The following SSH2 variants were observed in gnomAD, a reference collection of about 807,000 sequenced individuals.
The protein encoded by SSH2 is protein phosphatase Slingshot homolog 2.
Under a neutral mutation model 135.2 loss-of-function variants are expected in SSH2, and 37 were observed. The observed-to-expected ratio is 0.27, with a 90% CI of 0.21 to 0.36. The LOEUF (loss-of-function observed/expected upper bound fraction) is 0.36. SSH2 is among the 10% of genes least tolerant of loss of function. The probability of loss-of-function intolerance (pLI) is 1.00; values close to 1 mark genes in which losing one functional copy is unlikely to be tolerated. For synonymous variants in SSH2, 628 were observed against 646.2 expected, an observed-to-expected ratio of 0.97 and a Z score of 0.43; for missense variants, 1,408 against 1,765.3, an observed-to-expected ratio of 0.80 and a Z score of 3.63.
intron 14 of SSH2, chr17:29,645,680 A>G (rs1197830635): frequency 6.6e-6 from 1 of 152,230 alleles, no homozygotes; most frequent in East Asian, 1.9e-4. Flanking sequence ...TGTGCCAAAA[A>G]GAACTGCTAC....
chr17:29,663,560 G>GT (rs879388751), intron 11 of SSH2, among the ~76,000 whole-genome samples: 2 of 151,978 alleles, frequency 1.3e-5, no homozygotes, highest in Admixed American at 6.6e-5. Flanking sequence ...CAATTTTGAA[G>GT]TTTTTTTTCC....
intron 2 of SSH2, among the ~76,000 whole-genome samples, chr17:29,818,412 C>G (rs761975099): frequency 6.6e-6 from 1 of 151,912 alleles, no homozygotes; most frequent in Non-Finnish European, 1.5e-5. Context: ...CCAAGCCCGG[C>G]TAATTTTTCG....
intron 1 of SSH2, among the ~76,000 whole-genome samples, chr17:29,870,109 A>G (rs1567620877): frequency 6.6e-6 from 1 of 152,100 alleles, no homozygotes; most frequent in African/African-American, 2.4e-5. Flanking sequence ...ATTATGTTAA[A>G]TGACATTTTC....
At chr17:29,864,262 G>A (rs1004431868) in intron 1 of SSH2, 5 of 151,506 alleles carry the variant, frequency 3.3e-5, no homozygotes, top group African/African-American at 7.3e-5. Flanking sequence ...CCAAGATTGC[G>A]CCATTGCACT....
At chr17:29,761,125 G>A in intron 3 of SSH2, 1 of 1,288,368 alleles carries the variant, frequency 7.8e-7, no homozygotes, top group East Asian at 5.6e-5. Flanking sequence ...CGTTCGCGGA[G>A]GCGGAGGGCG....
At chr17:29,692,150 A>G (rs1296201094) in intron 5 of SSH2, among the ~76,000 whole-genome samples, 1 of 121,098 alleles carries the variant, frequency 8.3e-6, no homozygotes, top group Non-Finnish European at 1.7e-5. Flanking sequence ...AAAAAAATAA[A>G]TAAATAAATA....
chr17:29,832,004 A>G (rs1445418980), intron 2 of SSH2, among the ~76,000 whole-genome samples: 2 of 152,188 alleles, frequency 1.3e-5, no homozygotes, highest in African/African-American at 2.4e-5. Flanking sequence ...CAAATTTGGC[A>G]AGGAATGGAC....
At chr17:29,687,971 A>T (rs952856369) in intron 5 of SSH2, among the ~76,000 whole-genome samples, 10 of 151,866 alleles carry the variant, frequency 6.6e-5, no homozygotes, top group African/African-American at 2.2e-4. Context: ...GGGCTGCAAG[A>T]GTTTCTTTGT....
intron 1 of SSH2, among the ~76,000 whole-genome samples, chr17:29,895,272 T>C (rs1300495966): frequency 7.8e-6 from 1 of 128,524 alleles, no homozygotes; most frequent in African/African-American, 2.9e-5. Context: ...ATGAAATATA[T>C]AAAATATATT....
intron 3 of SSH2, among the ~76,000 whole-genome samples, chr17:29,741,836 G>A (rs996848031): frequency 4.0e-5 from 6 of 151,520 alleles, no homozygotes; most frequent in African/African-American, 1.5e-4. Flanking sequence ...GGCTGGTGTT[G>A]AATTCCTGAC....
intron 11 of SSH2, among the ~76,000 whole-genome samples, chr17:29,658,531 C>T (rs958567761): frequency 6.6e-6 from 1 of 152,010 alleles, no homozygotes; most frequent in African/African-American, 2.4e-5. Context: ...ATATTTTGGG[C>T]ATACAAAACT....
intron 1 of SSH2, among the ~76,000 whole-genome samples, chr17:29,912,694 A>G (rs2066786525): frequency 6.6e-6 from 1 of 152,130 alleles, no homozygotes; most frequent in Non-Finnish European, 1.5e-5. Flanking sequence ...TCTTGCCACT[A>G]CACCCCAGCC....
At chr17:29,790,507 T>G (rs943312489) in intron 3 of SSH2, among the ~76,000 whole-genome samples, 1 of 152,188 alleles carries the variant, frequency 6.6e-6, no homozygotes, top group Non-Finnish European at 1.5e-5. Flanking sequence ...TAGGGTTTTG[T>G]TTTTATTGAG....
intron 6 of SSH2, among the ~76,000 whole-genome samples, chr17:29,679,892 A>G (rs2037893845): frequency 6.6e-6 from 1 of 152,234 alleles, no homozygotes; most frequent in Admixed American, 6.5e-5. Context: ...TACTATGCCA[A>G]AAGATCTGGG....
chr17:29,855,712 A>C (rs1233560315), intron 1 of SSH2: 2 of 155,400 alleles, frequency 1.3e-5, no homozygotes, highest in East Asian at 1.9e-4. Flanking sequence ...CTCAAATTAT[A>C]CATTTAAAAA....
chr17:29,866,786 T>TATTA (rs1227689908), intron 1 of SSH2, among the ~76,000 whole-genome samples: 1 of 152,178 alleles, frequency 6.6e-6, no homozygotes, highest in Non-Finnish European at 1.5e-5. Context: ...AGGCTTCTGC[T>TATTA]ATTAAGTTAG....
chr17:29,662,771 C>T (rs904922384), intron 11 of SSH2, among the ~76,000 whole-genome samples: 1 of 152,098 alleles, frequency 6.6e-6, no homozygotes, highest in Non-Finnish European at 1.5e-5. Flanking sequence ...TTTTCCTGAT[C>T]CTCTCCCTAG....
intron 3 of SSH2, among the ~76,000 whole-genome samples, chr17:29,709,015 T>TATATATATATATAGAGAGAGAGAGAG (rs780981175): frequency 3.7e-5 from 3 of 81,588 alleles, no homozygotes; most frequent in African/African-American, 4.1e-5. Flanking sequence ...TATATATATA[T>TATATATATATATAGAGAGAGAGAGAG]AGAGAGAGAG....
chr17:29,880,286 A>G (rs901110475), intron 1 of SSH2, among the ~76,000 whole-genome samples: 4 of 152,104 alleles, frequency 2.6e-5, no homozygotes, highest in Admixed American at 2.0e-4. Context: ...ATGACCAGCT[A>G]ATTTTTTCTA....
Sources: allele counts gnomAD v4.1 joint callset (sites outside exome capture counted in the v4.1 genomes callset), GRCh38; gene constraint gnomAD v4.1.1; transcripts MANE v1.5; gene names NCBI Gene and HGNC (gene_info 2026-07-23, HGNC 2026-07-21).